The following ABCA12 variants were observed in gnomAD, a reference collection of about 807,000 sequenced individuals.
ABCA12 encodes glucosylceramide transporter ABCA12.
Under a neutral mutation model 293.5 loss-of-function variants are expected in ABCA12, and 156 were observed. That is an observed-to-expected ratio of 0.53 (90% CI 0.47 to 0.61). The LOEUF (loss-of-function observed/expected upper bound fraction) is 0.61, where lower values mean the gene tolerates loss of function less well. Ranked by LOEUF, ABCA12 falls within the 20% of genes least tolerant of loss-of-function variation. ABCA12 has a pLI of 0.00. For missense variants in ABCA12, 2,797 were observed against 3,090.2 expected (o/e 0.91, Z 2.25); for synonymous variants, 1,063 against 1,108.0 (o/e 0.96, Z 0.81).
chr2:215,133,326 ATT>A (rs1703105255), intron 1 of ABCA12, among the ~76,000 whole-genome samples: 1 of 151,162 alleles, frequency 6.6e-6, no homozygotes, highest in Non-Finnish European at 1.5e-5. Flanking sequence ...GATTGGGGAA[ATT>A]TTCTTGAATT....
At chr2:214,952,055 AC>A (rs200948334) in intron 44 of ABCA12, among the ~76,000 whole-genome samples, 4,580 of 151,198 alleles carry the variant, frequency 0.03, 233 homozygotes, top group African/African-American at 0.11. Flanking sequence ...GCTAACAAAT[AC>A]CAAAAAAAAA....
rs771651194 is a variant in ABCA12 at position 214,973,948 on chromosome 2, C to T, written c.5562+1G>A. On this transcript the variant is annotated splice_donor_variant, in intron 36 of 52. Coordinates refer to ENST00000272895, the MANE Select transcript of ABCA12 (RefSeq NM_173076.3). LOFTEE classifies it high-confidence loss of function. ...TTCACTGAAACTGAATTCCATCTTA[C>T]CTGGACATTTTCTGAGCAGGAGCAA... 6.2e-7 allele frequency: 1 copy of T among 1,613,038 alleles called. No individual in the cohort carries two copies. The highest frequency in any genetic ancestry group is 1.1e-5 in the South Asian group (1 of 91,060).
At chr2:214,940,017 A>G (rs1391228615) in intron 50 of ABCA12, among the ~76,000 whole-genome samples, 1 of 152,204 alleles carries the variant, frequency 6.6e-6, no homozygotes, top group Non-Finnish European at 1.5e-5. Context: ...AGGATTGGTG[A>G]GAGAGGGCAT....
chr2:214,998,453 T>C (rs1854020), intron 22 of ABCA12, among the ~76,000 whole-genome samples: 152,162 of 152,292 alleles, frequency 1, 76,017 homozygotes, highest in Middle Eastern at 1. Flanking sequence ...TCACTGTGCC[T>C]GGCCCAAAGC....
intron 49 of ABCA12, among the ~76,000 whole-genome samples, chr2:214,944,151 G>A (rs1355626386): frequency 7.0e-6 from 1 of 143,862 alleles, no homozygotes; most frequent in East Asian, 2.0e-4. Flanking sequence ...GGTGGCTCAT[G>A]CCTGTAATCC....
At chr2:215,061,613 A>C (rs190340222) in intron 3 of ABCA12, among the ~76,000 whole-genome samples, 158 of 152,236 alleles carry the variant, frequency 1.0e-3, no homozygotes, top group African/African-American at 3.5e-3. Flanking sequence ...CATGATGGGA[A>C]ATATCATTAA....
In ABCA12 at chr2:214,949,357, A is replaced by AATAT. The variant is rs371533143; in HGVS notation, c.6853-212_6853-209dup. Among the ~76,000 whole-genome samples the AATAT allele has an allele frequency of 3.0e-3, 442 of 145,410 alleles. 1 individual carries two copies. Among genetic ancestry groups the AATAT allele is most frequent in the East Asian group, 7.2e-3 (36 of 5,014 alleles). ...GTATTCTTTTTCCTTTAACCATCTG[A>AATAT]ATATATATATATATATATATACACA... is the stretch of plus-strand genomic sequence containing the variant. On this transcript the variant is annotated intron_variant, in intron 45 of 52. Coordinates refer to ENST00000272895, the MANE Select transcript of ABCA12 (RefSeq NM_173076.3).
chr2:215,112,168 A>G (rs1188237461), intron 1 of ABCA12, among the ~76,000 whole-genome samples: 1 of 152,140 alleles, frequency 6.6e-6, no homozygotes, highest in Admixed American at 6.5e-5. Flanking sequence ...GTCATGACCC[A>G]TAAATATTGT....
At chr2:215,116,925 C>T (rs867372452) in intron 1 of ABCA12, among the ~76,000 whole-genome samples, 10 of 152,100 alleles carry the variant, frequency 6.6e-5, no homozygotes, top group African/African-American at 2.2e-4. Flanking sequence ...GAGACAAGAG[C>T]CATGAAAACT....
At chr2:215,044,839 T>C (rs1201650285) in intron 7 of ABCA12, among the ~76,000 whole-genome samples, 1 of 152,206 alleles carries the variant, frequency 6.6e-6, no homozygotes, top group Non-Finnish European at 1.5e-5. Flanking sequence ...TTTGAATAGA[T>C]ATAAGCTCTT....
rs149281280 is a variant in ABCA12, at chr2:215,044,616, C to T, written c.872+1221G>A. 125 of 152,232 alleles carry T rather than the reference C, an allele frequency of 8.2e-4. 1 individual carries two copies. The highest frequency in any genetic ancestry group is 2.6e-3 in the African/African-American group (109 of 41,520). The allele number at this position is 152,232 out of a possible 1,614,324, so 9.4% of individuals were successfully genotyped here. A position where few individuals can be genotyped will look rare whatever the true frequency, so the allele number is the denominator to read the frequency against. On this transcript the variant is annotated intron_variant, in intron 7 of 52. Transcript: ENST00000272895. ...TCTGTATTCCAGTTATGGTGTGTTA[C>T]CATGGAAAGAGTATAGGACTGGGAT...
intron 2 of ABCA12, among the ~76,000 whole-genome samples, chr2:215,108,661 C>T (rs555007512): frequency 6.6e-6 from 1 of 152,080 alleles, no homozygotes; most frequent in Non-Finnish European, 1.5e-5. Flanking sequence ...CAATTCTAAT[C>T]TTTCAGCATA....
rs1248025447 is a variant in ABCA12, at chr2:215,109,064, C to CA, written c.163+2532dup. Among the ~76,000 whole-genome samples, 190 of 136,288 alleles carry CA rather than the reference C, an allele frequency of 1.4e-3. 1 individual carries two copies. Among genetic ancestry groups the CA allele is most frequent in the African/African-American group, 2.9e-3 (106 of 36,836 alleles). 89.4% of individuals were successfully genotyped at this position (136,288 alleles called of 152,430 possible). Reference sequence around the variant, plus strand: ...CCTGGGCGACAGAGCAAGACTGTCTCAAAAAAAAAAAAGGAGGCGGGGGGG... The same window carrying CA: ...CCTGGGCGACAGAGCAAGACTGTCTCAAAAAAAAAAAAAGGAGGCGGGGGGG... On this transcript the variant is annotated intron_variant, in intron 2 of 52. Transcript: ENST00000272895.
At position 214,945,089 on chromosome 2, in the gene ABCA12, C is replaced by G; in HGVS notation, c.7255G>C (p.Gly2419Arg). The G allele has an allele frequency of 6.2e-7, 1 of 1,613,416 alleles. No individual in the cohort carries two copies. The highest frequency in any genetic ancestry group is 8.5e-7 in the Non-Finnish European group (1 of 1,179,732). Residue 2419 changes from glycine to arginine, a missense_variant, in exon 49 of 53, where the codon GGC becomes CGC. Coordinates refer to ENST00000272895, the MANE Select transcript of ABCA12 (RefSeq NM_173076.3). ...SILLLDEPSS[G>R]MDPKSKRHLW... The stretch of plus-strand genomic sequence containing the variant: ...TGCCGTTTCGACTTCGGATCCATGC[C>G]AGAGCTCGGCTCATCCTTAATAGAA...
chr2:215,111,573 A>C (rs1474479795), intron 2 of ABCA12, 24 bp downstream of exon 2: 3 of 1,559,544 alleles, frequency 1.9e-6, no homozygotes, highest in Non-Finnish European at 2.6e-6. Context: ...AAATTAAGGA[A>C]ATAAACAAAT....
chr2:215,138,401 C>G lies in ABCA12; in HGVS notation c.-193G>C. ...ATTTTTCCCTGTGGTTAATCCTTAA[C>G]CAAGAGGCACTTCTCAATCAACTCT... On this transcript the variant is annotated 5_prime_UTR_variant, in exon 1 of 53. Transcript: ENST00000272895. The G allele has an allele frequency of 1.6e-6, 1 of 630,056 alleles. No individual in the cohort carries two copies. 39.0% of individuals were successfully genotyped at this position (630,056 alleles called of 1,614,324 possible). A position where few individuals can be genotyped will look rare whatever the true frequency, so the allele number is the denominator to read the frequency against.
At chr2:215,033,250 A>G (rs1354914588) in intron 8 of ABCA12, among the ~76,000 whole-genome samples, 3 of 152,232 alleles carry the variant, frequency 2.0e-5, no homozygotes, top group African/African-American at 7.2e-5. Flanking sequence ...TGGCATCTAT[A>G]TATAGAATAA....
At chr2:215,064,928 T>C (rs1701612266) in intron 2 of ABCA12, among the ~76,000 whole-genome samples, 1 of 152,022 alleles carries the variant, frequency 6.6e-6, no homozygotes, top group Non-Finnish European at 1.5e-5. Context: ...GAGCTATTTT[T>C]GGTCTCTTTA....
chr2:215,115,496 G>T (rs1702666449), intron 1 of ABCA12, among the ~76,000 whole-genome samples: 1 of 152,112 alleles, frequency 6.6e-6, no homozygotes, highest in African/African-American at 2.4e-5. Context: ...AGACACAGGA[G>T]CTACTGGAGA....
Sources: allele counts gnomAD v4.1 joint callset (sites outside exome capture counted in the v4.1 genomes callset), GRCh38; gene constraint gnomAD v4.1.1; transcripts MANE v1.5; gene names NCBI Gene and HGNC (gene_info 2026-07-23, HGNC 2026-07-21).